The following FHOD3 variants were observed in gnomAD, a reference collection of about 807,000 sequenced individuals.
FHOD3 encodes formin homology 2 domain containing 3.
FHOD3 carries 90 observed loss-of-function variants against 173.0 expected under a neutral mutation model. The ratio of observed to expected loss-of-function variants is 0.52; its 90% CI spans 0.44 to 0.62. FHOD3 has a LOEUF of 0.62. Ranked by LOEUF, FHOD3 falls within the 20% of genes least tolerant of loss-of-function variation. FHOD3 has a pLI of 0.00. For missense variants in FHOD3, 1,945 were observed against 2,034.7 expected, an observed-to-expected ratio of 0.96 and a Z score of 0.85; for synonymous variants, 828 against 823.0, an observed-to-expected ratio of 1.01 and a Z score of -0.10.
chr18:36,615,113 G>A (rs2033079432), intron 9 of FHOD3, among the ~76,000 whole-genome samples: 1 of 152,062 alleles, frequency 6.6e-6, no homozygotes, highest in East Asian at 1.9e-4. Context: ...GCCTCCCAAA[G>A]TGTTGGGATT....
At chr18:36,531,676 C>T (rs1415734734) in intron 5 of FHOD3, among the ~76,000 whole-genome samples, 1 of 152,234 alleles carries the variant, frequency 6.6e-6, no homozygotes, top group East Asian at 1.9e-4. Flanking sequence ...ATGGATACAG[C>T]AGAAGTCACA....
At chr18:36,417,128 T>C (rs866247240) in intron 3 of FHOD3, among the ~76,000 whole-genome samples, 15 of 152,224 alleles carry the variant, frequency 9.9e-5, no homozygotes, top group South Asian at 6.2e-4. Flanking sequence ...GGTAAACTTA[T>C]GTCATAGGGA....
intron 8 of FHOD3, among the ~76,000 whole-genome samples, chr18:36,610,776 T>C (rs1303043470): frequency 6.6e-6 from 1 of 152,220 alleles, no homozygotes; most frequent in East Asian, 1.9e-4. Flanking sequence ...AGGCAAGTTA[T>C]CATGTTTAGA....
At chr18:36,573,691 T>G (rs1257521937) in intron 5 of FHOD3, among the ~76,000 whole-genome samples, 1 of 152,228 alleles carries the variant, frequency 6.6e-6, no homozygotes, top group Non-Finnish European at 1.5e-5. Context: ...TTACTTATAC[T>G]TGCTTTTTAC....
At chr18:36,587,134 C>T (rs2059061980) in intron 6 of FHOD3, among the ~76,000 whole-genome samples, 2 of 152,152 alleles carry the variant, frequency 1.3e-5, no homozygotes, top group Non-Finnish European at 2.9e-5. Flanking sequence ...AAGGAATAGT[C>T]ATGTCTTTTC....
chr18:36,654,831 T>G lies in FHOD3; in HGVS notation c.1721+1415T>G, dbSNP rs113026103. Among the ~76,000 whole-genome samples, 503 of 152,304 alleles carry G rather than the reference T, an allele frequency of 3.3e-3. 3 individuals are homozygous for G. Among genetic ancestry groups the G allele is most frequent in the African/African-American group, 0.012 (480 of 41,564 alleles). On this transcript the variant is annotated intron_variant, in intron 13 of 28. Transcript: ENST00000590592. ...TATAGCACAAAGCAGTGCCCCACAC[T>G]GATTCCACCTGCTCAAGAGTTTTTT...
chr18:36,670,362 C>T (rs1462341040), intron 14 of FHOD3, among the ~76,000 whole-genome samples: 1 of 152,062 alleles, frequency 6.6e-6, no homozygotes. Flanking sequence ...ACTCTAATAG[C>T]ATGTATATTG....
chr18:36,740,934 C>G (rs2041872269), intron 21 of FHOD3, 96 bp downstream of exon 21: 2 of 1,226,598 alleles, frequency 1.6e-6, no homozygotes, highest in East Asian at 4.9e-5. Flanking sequence ...AAATATCATT[C>G]TTGGCATAGG....
chr18:36,402,238 GC>G (rs2048847833), intron 3 of FHOD3, among the ~76,000 whole-genome samples: 1 of 152,102 alleles, frequency 6.6e-6, no homozygotes, highest in African/African-American at 2.4e-5. Flanking sequence ...GCTGATCACT[GC>G]TTGTTCTTCT....
intron 27 of FHOD3, among the ~76,000 whole-genome samples, chr18:36,762,682 G>C (rs779789681): frequency 3.7e-4 from 57 of 152,004 alleles, no homozygotes; most frequent in Non-Finnish European, 4.3e-4. Context: ...TGTAATCCTA[G>C]CTACTGGGGA....
intron 11 of FHOD3, 57 bp downstream of exon 11, chr18:36,649,462 T>C: frequency 7.3e-7 from 1 of 1,370,648 alleles, no homozygotes. Context: ...TCCTTCCTAA[T>C]GATAGTTCAC....
intron 24 of FHOD3, among the ~76,000 whole-genome samples, chr18:36,750,206 A>G (rs1019803486): frequency 1.3e-5 from 2 of 152,060 alleles, no homozygotes; most frequent in African/African-American, 4.8e-5. Flanking sequence ...GGAGAATGGC[A>G]TGACCTGGGA....
At chr18:36,358,413 G>A (rs887508964) in intron 2 of FHOD3, among the ~76,000 whole-genome samples, 1 of 152,182 alleles carries the variant, frequency 6.6e-6, no homozygotes, top group Admixed American at 6.5e-5. Flanking sequence ...TTCCCAAAGA[G>A]CCAGGGCATC....
chr18:36,568,169 C>CA (rs111808600), intron 5 of FHOD3, among the ~76,000 whole-genome samples: 11,229 of 49,852 alleles, frequency 0.23, 606 homozygotes, highest in Middle Eastern at 0.29. Flanking sequence ...ACTAAAAATA[C>CA]AAAAAAAAAA....
intron 27 of FHOD3, among the ~76,000 whole-genome samples, chr18:36,767,261 C>T (rs958312782): frequency 1.2e-4 from 18 of 151,884 alleles, no homozygotes. Flanking sequence ...TGCATGTGCT[C>T]ATGCTGTAGG....
At chr18:36,394,559 A>G (rs966016668) in intron 3 of FHOD3, among the ~76,000 whole-genome samples, 5 of 152,214 alleles carry the variant, frequency 3.3e-5, no homozygotes, top group Admixed American at 6.5e-5. Context: ...ATGGGTTTCA[A>G]TCAGTTGCAC....
At chr18:36,499,695 T>C (rs1471267665) in intron 3 of FHOD3, among the ~76,000 whole-genome samples, 1 of 152,170 alleles carries the variant, frequency 6.6e-6, no homozygotes, top group Non-Finnish European at 1.5e-5. Flanking sequence ...ACTCATATGT[T>C]GAGGCCACAC....
intron 2 of FHOD3, among the ~76,000 whole-genome samples, chr18:36,367,919 A>G (rs1598859453): frequency 7.0e-6 from 1 of 143,588 alleles, no homozygotes. Context: ...ATCCCTCCCC[A>G]CCGCTTTCTC....
Position 36,689,160 on chromosome 18 carries a change from A to T in FHOD3, c.2021+1982A>T, listed in dbSNP as rs77715898. Among the ~76,000 whole-genome samples the T allele has an allele frequency of 8.0e-3, 1,220 of 152,332 alleles. 11 individuals are homozygous for T. The highest frequency in any genetic ancestry group is 0.024 in the Middle Eastern group (7 of 294). On this transcript the variant is annotated intron_variant, in intron 16 of 28. Transcript: ENST00000590592. ...GGAGTTAGGGGAAATATAGACTTTC[A>T]TCCCTGTTTCAAAAGCTTTTAAGAG...
Sources: gnomAD v4.1 joint callset for allele counts (sites outside exome capture counted in the v4.1 genomes callset) on GRCh38, gnomAD v4.1.1 for gene constraint, MANE v1.5 for transcripts, NCBI Gene and HGNC (gene_info 2026-07-23, HGNC 2026-07-21) for gene names.